Variants in GKAP1 observed in about 807,000 individuals in gnomAD.
GKAP1 encodes the protein G kinase anchoring protein 1.
Under a neutral mutation model 56.7 loss-of-function variants are expected in GKAP1, and 31 were observed. That is an observed-to-expected ratio of 0.55 (90% CI 0.41 to 0.74). GKAP1 has a LOEUF of 0.74. Among genes scored for constraint, GKAP1 ranks in the 30% least tolerant of loss-of-function variants. The pLI, the probability that GKAP1 is intolerant of heterozygous loss-of-function variation, is 0.00. For synonymous variants in GKAP1, 151 were observed against 138.6 expected (o/e 1.09, Z -0.63); for missense variants, 364 against 402.3 (o/e 0.90, Z 0.82).
At chr9:83,764,103 T>C (rs1943621294) in intron 8 of GKAP1, among the ~76,000 whole-genome samples, 1 of 151,996 alleles carries the variant, frequency 6.6e-6, no homozygotes, top group Non-Finnish European at 1.5e-5. Context: ...AAAAGGAAAA[T>C]CATAATCAAT....
chr9:83,751,288 C>T (rs563902640), intron 9 of GKAP1, among the ~76,000 whole-genome samples: 1 of 152,298 alleles, frequency 6.6e-6, no homozygotes, highest in African/African-American at 2.4e-5. Context: ...ATTCTCTCTA[C>T]CTGGAAAAAT....
chr9:83,769,160 A>C (rs554042621), intron 7 of GKAP1, among the ~76,000 whole-genome samples, 190 bp from the exon 8 acceptor site: 1 of 152,352 alleles, frequency 6.6e-6, no homozygotes, highest in East Asian at 1.9e-4. Context: ...CAGAAGATAA[A>C]ACAGTAGAGA....
At chr9:83,759,724 G>A (rs750965278) in intron 8 of GKAP1, among the ~76,000 whole-genome samples, 1 of 152,032 alleles carries the variant, frequency 6.6e-6, no homozygotes, top group Non-Finnish European at 1.5e-5. Flanking sequence ...TTTCAAAATG[G>A]TTATACCAAT....
Position 83,789,734 on chromosome 9 carries a change from C to T in GKAP1, c.361-1056G>A, listed in dbSNP as rs775682461. Among the ~76,000 whole-genome samples the T allele has an allele frequency of 1.7e-4, 25 of 150,656 alleles. 1 individual carries two copies. The highest frequency in any genetic ancestry group is 3.5e-4 in the Non-Finnish European group (24 of 67,810). On this transcript the variant is annotated intron_variant, in intron 4 of 12. Coordinates refer to ENST00000376371, the MANE Select transcript of GKAP1 (RefSeq NM_025211.4). ...GCAAGTGATCCAATTCCTTTTTTTT[C>T]CTCCCAGGAATTAAATTTTGAGAAC...
At chr9:83,747,229 G>GTATA (rs983760206) in intron 10 of GKAP1, among the ~76,000 whole-genome samples, 1 of 152,056 alleles carries the variant, frequency 6.6e-6, no homozygotes, top group Admixed American at 6.5e-5. Context: ...ATGTCACTAG[G>GTATA]TATATACACA....
chr9:83,778,453 C>T (rs1267115152), intron 7 of GKAP1, among the ~76,000 whole-genome samples: 1 of 151,930 alleles, frequency 6.6e-6, no homozygotes, highest in Non-Finnish European at 1.5e-5. Flanking sequence ...AAACAAAAAC[C>T]AAATACTGCA....
chr9:83,768,777 A>G (rs764960521), intron 8 of GKAP1, 41 bp downstream of exon 8: 1 of 1,555,212 alleles, frequency 6.4e-7, no homozygotes, highest in East Asian at 2.2e-5. Flanking sequence ...ATTACATTTC[A>G]ATTTCACTGT....
intron 3 of GKAP1, among the ~76,000 whole-genome samples, chr9:83,802,366 C>T (rs1329814764): frequency 4.6e-5 from 6 of 130,024 alleles, no homozygotes; most frequent in African/African-American, 1.9e-4. Context: ...GTAGTCCCAG[C>T]TACTCGAGAG....
At chr9:83,812,704 T>C (rs1252263335) in intron 2 of GKAP1, among the ~76,000 whole-genome samples, 1 of 152,014 alleles carries the variant, frequency 6.6e-6, no homozygotes, top group Non-Finnish European at 1.5e-5. Context: ...AATGGTTATC[T>C]ATACTCAAGT....
At chr9:83,786,561 GAAGAA>G (rs989908936) in intron 5 of GKAP1, among the ~76,000 whole-genome samples, 4 of 150,722 alleles carry the variant, frequency 2.7e-5, no homozygotes, top group Non-Finnish European at 4.4e-5. Context: ...AAAGAAAAAA[GAAGAA>G]AAGAAAAGAA....
chr9:83,793,421 T>C (rs969627317), intron 4 of GKAP1, among the ~76,000 whole-genome samples: 1 of 152,222 alleles, frequency 6.6e-6, no homozygotes, highest in African/African-American at 2.4e-5. Context: ...CCAGAAATCT[T>C]ACAGTAGTCT....
chr9:83,809,178 A>C (rs1944476188), intron 2 of GKAP1, among the ~76,000 whole-genome samples: 1 of 152,226 alleles, frequency 6.6e-6, no homozygotes, highest in Admixed American at 6.5e-5. Context: ...AATGTTCATA[A>C]ATGTCTATTC....
At chr9:83,769,873 G>C (rs889604855) in intron 7 of GKAP1, among the ~76,000 whole-genome samples, 1 of 152,152 alleles carries the variant, frequency 6.6e-6, no homozygotes, top group African/African-American at 2.4e-5. Flanking sequence ...ATCAACACTT[G>C]TTGTTATCTG....
At chr9:83,804,914 C>T (rs945194468) in intron 3 of GKAP1, among the ~76,000 whole-genome samples, 8 of 151,764 alleles carry the variant, frequency 5.3e-5, no homozygotes, top group Admixed American at 3.9e-4. Context: ...CCCGGCCGCC[C>T]CTACTGGGAA....
intron 8 of GKAP1, among the ~76,000 whole-genome samples, chr9:83,765,900 G>A (rs568766075): frequency 2.6e-5 from 4 of 152,164 alleles, no homozygotes; most frequent in Non-Finnish European, 5.9e-5. Context: ...TTGGACTTCT[G>A]GGTTAATCGT....
intron 2 of GKAP1, among the ~76,000 whole-genome samples, chr9:83,808,617 A>G (rs1944469724): frequency 6.6e-6 from 1 of 152,166 alleles, no homozygotes; most frequent in African/African-American, 2.4e-5. Flanking sequence ...ATAATCCTAT[A>G]TAAAATTTTA....
At chr9:83,763,795 A>G (rs78095002) in intron 8 of GKAP1, among the ~76,000 whole-genome samples, 1,789 of 152,314 alleles carry the variant, frequency 0.012, 39 homozygotes, top group African/African-American at 0.04. Context: ...ATAATAATCT[A>G]TAACTTTCCT....
At chr9:83,752,094 G>A (rs1032103126) in intron 9 of GKAP1, among the ~76,000 whole-genome samples, 20 of 152,068 alleles carry the variant, frequency 1.3e-4, no homozygotes, top group Non-Finnish European at 1.2e-4. Context: ...ATGCTACAAC[G>A]TGGATGAACC....
At chr9:83,793,222 C>T (rs1171742114) in intron 4 of GKAP1, among the ~76,000 whole-genome samples, 2 of 152,170 alleles carry the variant, frequency 1.3e-5, no homozygotes, top group Non-Finnish European at 1.5e-5. Flanking sequence ...AGTTAGTCTT[C>T]AATTCTCATA....
Sources: gnomAD v4.1 joint callset for allele counts (sites outside exome capture counted in the v4.1 genomes callset) on GRCh38, gnomAD v4.1.1 for gene constraint, MANE v1.5 for transcripts, NCBI Gene and HGNC (gene_info 2026-07-23, HGNC 2026-07-21) for gene names.